The following RYR2 variants were observed in gnomAD, a reference collection of about 807,000 sequenced individuals.
The protein encoded by RYR2 is cardiac muscle ryanodine receptor-calcium release channel.
Under a neutral mutation model 601.1 loss-of-function variants are expected in RYR2, and 227 were observed. The ratio of observed to expected loss-of-function variants is 0.38; its 90% CI spans 0.34 to 0.42. RYR2 has a LOEUF of 0.42. Among genes scored for constraint, RYR2 ranks in the 10% least tolerant of loss-of-function variants. The pLI, the probability that RYR2 is intolerant of heterozygous loss-of-function variation, is 1.00. For synonymous variants in RYR2, 2,223 were observed against 2,175.1 expected, an observed-to-expected ratio of 1.02 and a Z score of -0.61; for missense variants, 4,646 against 6,156.5, an observed-to-expected ratio of 0.75 and a Z score of 8.21.
At position 237,610,179 on chromosome 1, in the gene RYR2, A is replaced by G. The variant is rs1271839976; in HGVS notation, c.4684-583A>G. Among the ~76,000 whole-genome samples, 1 of 152,240 alleles carries G rather than the reference A, an allele frequency of 6.6e-6. No individual in the cohort carries two copies. The highest frequency in any genetic ancestry group is 6.5e-5 in the Admixed American group (1 of 15,288). ...TCTTTGACACCAGACAGAAAGAATT[A>G]AGGATGGCTGAAGATGATACTGGAG... On this transcript the variant is annotated intron_variant, in intron 35 of 104. Coordinates refer to ENST00000366574, the MANE Select transcript of RYR2 (RefSeq NM_001035.3). This position sits in a 1 kb window ranked among gnomAD's most constrained non-coding sequence, Gnocchi z 4.9.
At chr1:237,249,331 C>T (rs189717648) in intron 1 of RYR2, among the ~76,000 whole-genome samples, 136 of 152,270 alleles carry the variant, frequency 8.9e-4, no homozygotes, top group African/African-American at 3.1e-3. Context: ...ACAAGGTCCT[C>T]GTGGGTGATC....
intron 12 of RYR2, among the ~76,000 whole-genome samples, chr1:237,435,673 A>G (rs534814043): frequency 6.6e-6 from 1 of 152,228 alleles, no homozygotes. Context: ...AACATATCAT[A>G]ATTTGATAGT....
chr1:237,665,397 CAAAAAAAAAAAA>C (rs71162408), intron 56 of RYR2, among the ~76,000 whole-genome samples: 35,576 of 96,022 alleles, frequency 0.37, 5,150 homozygotes, highest in Middle Eastern at 0.57. Context: ...GACTCTGTCT[CAAAAAAAAAAAA>C]AAAAAAAAAA....
intron 6 of RYR2, 50 bp downstream of exon 6, chr1:237,369,658 G>C: frequency 1.4e-6 from 2 of 1,447,692 alleles, no homozygotes; most frequent in Admixed American, 4.0e-5. Flanking sequence ...GATCCATTTG[G>C]GGGTACATGG....
At chr1:237,328,655 G>A (rs1217291804) in intron 2 of RYR2, among the ~76,000 whole-genome samples, 3 of 151,830 alleles carry the variant, frequency 2.0e-5, no homozygotes, top group African/African-American at 7.3e-5. Context: ...GGTTTGTGTG[G>A]TCTGAGTAAG....
intron 80 of RYR2, among the ~76,000 whole-genome samples, chr1:237,754,458 G>T (rs1692780285): frequency 6.6e-6 from 1 of 152,088 alleles, no homozygotes; most frequent in Non-Finnish European, 1.5e-5. Flanking sequence ...AAGAGTGTGT[G>T]GCATGTTGCC....
chr1:237,646,886 G>A (rs1453400242), intron 48 of RYR2, among the ~76,000 whole-genome samples: 1 of 152,146 alleles, frequency 6.6e-6, no homozygotes, highest in East Asian at 1.9e-4. Context: ...TGAGGAGATG[G>A]TGCAAATAAA....
At chr1:237,701,528 C>CAA (rs111464453) in intron 65 of RYR2, among the ~76,000 whole-genome samples, 140 of 143,876 alleles carry the variant, frequency 9.7e-4, no homozygotes, top group African/African-American at 3.1e-3. Flanking sequence ...GACTCTATCT[C>CAA]AAAAAAAAAA....
intron 1 of RYR2, among the ~76,000 whole-genome samples, chr1:237,107,438 G>A (rs370036976): frequency 1.1e-4 from 17 of 148,310 alleles, no homozygotes; most frequent in South Asian, 4.4e-4. Context: ...GGAGAATGGC[G>A]TGAACCCAGA....
intron 80 of RYR2, among the ~76,000 whole-genome samples, chr1:237,752,993 C>T (rs1158126819): frequency 6.6e-6 from 1 of 152,096 alleles, no homozygotes; most frequent in Non-Finnish European, 1.5e-5. Flanking sequence ...AACAAACAAA[C>T]AAAAGAACAC....
At chr1:237,392,783 A>T (rs1247121478) in intron 10 of RYR2, among the ~76,000 whole-genome samples, 9 of 152,162 alleles carry the variant, frequency 5.9e-5, no homozygotes, top group Admixed American at 5.9e-4. Context: ...TAGTTTGGAA[A>T]TCTATTAAGG....
At chr1:237,473,946 T>C (rs145989969) in intron 17 of RYR2, among the ~76,000 whole-genome samples, 4 of 152,136 alleles carry the variant, frequency 2.6e-5, no homozygotes, top group African/African-American at 9.6e-5. Context: ...CTTCCAAATA[T>C]GATTTTACAC....
At chr1:237,598,523 C>T (rs60876482) in intron 34 of RYR2, among the ~76,000 whole-genome samples, 7,789 of 152,072 alleles carry the variant, frequency 0.051, 597 homozygotes, top group African/African-American at 0.17. Context: ...GGAAACTTTA[C>T]GAATACATAG....
intron 26 of RYR2, 123 bp from the exon 27 acceptor site, chr1:237,550,421 C>T (rs1191740218): frequency 1.4e-5 from 15 of 1,053,336 alleles, no homozygotes; most frequent in East Asian, 2.6e-5. Context: ...CCTGGGAAGA[C>T]GCATGGATTG....
intron 24 of RYR2, among the ~76,000 whole-genome samples, chr1:237,515,705 C>G (rs1373325505): frequency 1.2e-3 from 1 of 842 alleles, no homozygotes; most frequent in Non-Finnish European, 3.0e-3. Flanking sequence ...CCCTCCCCTC[C>G]TTCTCCTTCT....
intron 58 of RYR2, among the ~76,000 whole-genome samples, chr1:237,669,774 G>A (rs930498642): frequency 2.3e-4 from 35 of 150,668 alleles, no homozygotes; most frequent in African/African-American, 8.1e-4. Context: ...ATGGGATGGC[G>A]GCCGGGCAGA....
intron 10 of RYR2, among the ~76,000 whole-genome samples, chr1:237,395,778 A>C (rs1572130999): frequency 6.6e-6 from 1 of 151,596 alleles, no homozygotes; most frequent in Non-Finnish European, 1.5e-5. Flanking sequence ...GATCTCCTGA[A>C]CTCGTGATGC....
rs149198562 is a variant in RYR2, at chr1:237,377,635, T to C, written c.576+200T>C. ...GGTGCAAATATAGCTTATCAGGTTG[T>C]TCAGGCAGGCTTCCCTCATAACCTT... On this transcript the variant is annotated intron_variant, in intron 8 of 104. Coordinates refer to ENST00000366574, the MANE Select transcript of RYR2 (RefSeq NM_001035.3). Among the ~76,000 whole-genome samples, 355 of 152,344 alleles carry C rather than the reference T, an allele frequency of 2.3e-3. 2 individuals carry two copies. The highest frequency in any genetic ancestry group is 8.2e-3 in the African/African-American group (340 of 41,586).
chr1:237,104,941 G>T (rs1450665348), intron 1 of RYR2, among the ~76,000 whole-genome samples: 1 of 152,126 alleles, frequency 6.6e-6, no homozygotes, highest in Non-Finnish European at 1.5e-5. Context: ...CTTCTCCCTC[G>T]AGGTCTTCTC....
Sources: gnomAD v4.1 joint callset for allele counts (sites outside exome capture counted in the v4.1 genomes callset) on GRCh38, gnomAD v4.1.1 for gene constraint, Gnocchi (gnomAD v3.1) non-coding constraint, MANE v1.5 for transcripts, NCBI Gene and HGNC (gene_info 2026-07-23, HGNC 2026-07-21) for gene names.